PNPLA8: variants seen among roughly 807,000 people sequenced by gnomAD.
The protein encoded by PNPLA8 is calcium-independent phospholipase A2-gamma.
PNPLA8 carries 39 observed loss-of-function variants against 76.9 expected under a neutral mutation model. The observed-to-expected ratio is 0.51, with a 90% CI of 0.39 to 0.66. PNPLA8 has a LOEUF of 0.66. PNPLA8 is among the 30% of genes least tolerant of loss of function. The pLI is 0.00. For missense variants in PNPLA8, 887 were observed against 918.0 expected (o/e 0.97, Z 0.44); for synonymous variants, 301 against 307.9 (o/e 0.98, Z 0.24).
intron 9 of PNPLA8, among the ~76,000 whole-genome samples, chr7:108,485,044 T>C (rs1309758940): frequency 1.3e-5 from 2 of 152,206 alleles, no homozygotes; most frequent in Non-Finnish European, 2.9e-5. Context: ...TTATGTATCC[T>C]AAGCTCTGAA....
At chr7:108,479,488 T>C in intron 9 of PNPLA8, 109 bp from the exon 10 acceptor site, 1 of 754,120 alleles carries the variant, frequency 1.3e-6, no homozygotes, top group Non-Finnish European at 2.1e-6. Flanking sequence ...TCCTTAAAAG[T>C]GCATTTCTTT....
chr7:108,501,702 T>TA (rs1352512331), intron 5 of PNPLA8, among the ~76,000 whole-genome samples: 1 of 152,164 alleles, frequency 6.6e-6, no homozygotes, highest in Non-Finnish European at 1.5e-5. Context: ...TGGACACCTA[T>TA]AATCCCAGCT....
chr7:108,505,582 T>C (rs1409422596), intron 4 of PNPLA8, among the ~76,000 whole-genome samples: 2 of 151,166 alleles, frequency 1.3e-5, no homozygotes, highest in African/African-American at 4.9e-5. Context: ...AGGATGGTCT[T>C]GATCGCTTGA....
intron 8 of PNPLA8, among the ~76,000 whole-genome samples, chr7:108,489,997 T>A (rs926301612): frequency 6.6e-6 from 1 of 152,256 alleles, no homozygotes; most frequent in Non-Finnish European, 1.5e-5. Context: ...TGCATATCAA[T>A]GTTTTGGTCA....
At chr7:108,510,765 T>G in intron 4 of PNPLA8, 1 of 1,601,462 alleles carries the variant, frequency 6.2e-7, no homozygotes, top group Non-Finnish European at 8.5e-7. Flanking sequence ...GCTCGATCTC[T>G]TGGTAAATAT....
intron 5 of PNPLA8, among the ~76,000 whole-genome samples, chr7:108,502,158 T>C (rs1349447188): frequency 3.3e-5 from 5 of 151,478 alleles, no homozygotes; most frequent in Admixed American, 3.3e-4. Flanking sequence ...AGAATCATGT[T>C]CCAGCTGGGC....
chr7:108,505,323 TA>T (rs1563967399), intron 4 of PNPLA8, among the ~76,000 whole-genome samples: 38 of 4,294 alleles, frequency 8.8e-3, no homozygotes, highest in Non-Finnish European at 0.01. Context: ...TATATATATA[TA>T]TATATATATA....
At position 108,515,503 on chromosome 7, in the gene PNPLA8, C is replaced by A. The variant is rs771503564; in HGVS notation, c.-12G>T. The A allele has an allele frequency of 8.0e-6, 11 of 1,381,446 alleles. No homozygotes were observed. Among genetic ancestry groups the A allele is most frequent in the Non-Finnish European group, 1.0e-5 (11 of 1,059,530 alleles). 85.6% of individuals were successfully genotyped at this position (1,381,446 alleles called of 1,614,324 possible). On this transcript the variant is annotated 5_prime_UTR_variant, in exon 3 of 11. An upstream start codon of the reference 5' UTR is lost. Transcript: ENST00000257694. Reference sequence around the variant, plus strand: ...AGATTAATAGACATAACTTAAAAATCATTTATTTTCTATGACATTCTCTCA... The same window carrying A: ...AGATTAATAGACATAACTTAAAAATAATTTATTTTCTATGACATTCTCTCA...
At chr7:108,493,123 T>G (rs1188831599) in intron 7 of PNPLA8, among the ~76,000 whole-genome samples, 1 of 152,156 alleles carries the variant, frequency 6.6e-6, no homozygotes, top group Non-Finnish European at 1.5e-5. Flanking sequence ...TTTAAGCCAC[T>G]AAGTTTTGGA....
chr7:108,516,335 T>C (rs1455613091), intron 2 of PNPLA8, among the ~76,000 whole-genome samples: 1 of 152,190 alleles, frequency 6.6e-6, no homozygotes, highest in Non-Finnish European at 1.5e-5. Flanking sequence ...AATTGATCTT[T>C]GACAAAAGAG....
rs541031681 is a variant in PNPLA8, at chr7:108,517,155, G to A, written c.-83-1581C>T. ...TAGATAACAAATAAACATATAAGAA[G>A]TTGTACCACATCATATGTCATCAGG... On this transcript the variant is annotated intron_variant, in intron 2 of 10. Coordinates refer to ENST00000257694, the MANE Select transcript of PNPLA8 (RefSeq NM_001256007.3). Among the ~76,000 whole-genome samples, 5 of 152,234 alleles carry A rather than the reference G, an allele frequency of 3.3e-5. No individual in the cohort carries two copies. The South Asian group carries it at 1.0e-3, about 32-fold the overall frequency.
At chr7:108,505,003 G>C (rs1044524506) in intron 4 of PNPLA8, among the ~76,000 whole-genome samples, 6 of 151,960 alleles carry the variant, frequency 3.9e-5, no homozygotes, top group African/African-American at 1.5e-4. Flanking sequence ...TTTAACCTGG[G>C]AGGCAGAGGT....
Position 108,498,763 on chromosome 7 carries a change from C to G in PNPLA8, c.1359-1186G>C, listed in dbSNP as rs186354960. Among the ~76,000 whole-genome samples, 608 of 152,082 alleles carry G rather than the reference C, an allele frequency of 4.0e-3. 3 individuals are homozygous for G. Among genetic ancestry groups the G allele is most frequent in the African/African-American group, 0.014 (570 of 41,464 alleles). On this transcript the variant is annotated intron_variant, in intron 5 of 10. Coordinates refer to ENST00000257694, the MANE Select transcript of PNPLA8 (RefSeq NM_001256007.3). ...GATGAAAAAGCTTAGGAGATATAGA[C>G]CAATTGAGGGTGTATGTACCATGTA... is the stretch of plus-strand genomic sequence containing the variant.
At chr7:108,503,722 CTA>C (rs1231758903) in intron 4 of PNPLA8, among the ~76,000 whole-genome samples, 1 of 152,096 alleles carries the variant, frequency 6.6e-6, no homozygotes, top group Admixed American at 6.5e-5. Context: ...AGCTGGTAAA[CTA>C]TAGCTTTTCT....
intron 1 of PNPLA8, among the ~76,000 whole-genome samples, chr7:108,523,984 T>C (rs1206679668): frequency 6.6e-6 from 1 of 152,170 alleles, no homozygotes; most frequent in Non-Finnish European, 1.5e-5. Context: ...CATTTGCGAA[T>C]ATGAGAAAAC....
chr7:108,476,388 G>C (rs529002089), intron 10 of PNPLA8, among the ~76,000 whole-genome samples: 2 of 152,262 alleles, frequency 1.3e-5, no homozygotes, highest in South Asian at 4.1e-4. Flanking sequence ...CTTATGGTAA[G>C]GATATTTTAT....
chr7:108,501,104 G>A lies in PNPLA8; in HGVS notation c.1358+1387C>T, dbSNP rs527349759. On this transcript the variant is annotated intron_variant, in intron 5 of 10. Coordinates refer to ENST00000257694, the MANE Select transcript of PNPLA8 (RefSeq NM_001256007.3). ...GGGTAGTACTTGAACATACAGAAGAGTGGTTGGCAAGTTGGTTATACCAAA... is the reference window on the plus strand; with the variant it reads ...GGGTAGTACTTGAACATACAGAAGAATGGTTGGCAAGTTGGTTATACCAAA... Among the ~76,000 whole-genome samples, 215 of 152,172 alleles carry A rather than the reference G, an allele frequency of 1.4e-3. 1 individual carries two copies. Among genetic ancestry groups the A allele is most frequent in the Non-Finnish European group, 2.7e-3 (185 of 68,032 alleles).
chr7:108,520,144 T>G (rs1271294487), intron 2 of PNPLA8, among the ~76,000 whole-genome samples: 1 of 152,210 alleles, frequency 6.6e-6, no homozygotes, highest in African/African-American at 2.4e-5. Context: ...ATGCCATTTC[T>G]CTTACTAATC....
chr7:108,513,370 G>A, intron 4 of PNPLA8, among the ~76,000 whole-genome samples: 1 of 151,880 alleles, frequency 6.6e-6, no homozygotes, highest in South Asian at 2.1e-4. Context: ...AGTAAGGATG[G>A]GTACATTATT....
Sources: allele counts gnomAD v4.1 joint callset (sites outside exome capture counted in the v4.1 genomes callset), GRCh38; gene constraint gnomAD v4.1.1; transcripts MANE v1.5; gene names NCBI Gene and HGNC (gene_info 2026-07-23, HGNC 2026-07-21).